The following FOXM1 variants were observed in gnomAD, a reference collection of about 807,000 sequenced individuals.
FOXM1 encodes the protein forkhead box protein M1.
Under a neutral mutation model 63.6 loss-of-function variants are expected in FOXM1, and 25 were observed. That is an observed-to-expected ratio of 0.39 (90% CI 0.29 to 0.55). The LOEUF (loss-of-function observed/expected upper bound fraction) is 0.55. Ranked by LOEUF, FOXM1 falls within the 20% of genes least tolerant of loss-of-function variation. The pLI, the probability that FOXM1 is intolerant of heterozygous loss-of-function variation, is 0.60. For missense variants in FOXM1, 879 were observed against 958.7 expected, an observed-to-expected ratio of 0.92 and a Z score of 1.10; for synonymous variants, 387 against 376.9, an observed-to-expected ratio of 1.03 and a Z score of -0.31.
At chr12:2,861,236 AT>A (rs2098112231) in intron 8 of FOXM1, 1 of 684,724 alleles carries the variant, frequency 1.5e-6, no homozygotes, top group African/African-American at 1.9e-5. Flanking sequence ...ATGTTCATAA[AT>A]AACCAATTCA....
chr12:2,865,612 G>C (rs1434201964), intron 5 of FOXM1, among the ~76,000 whole-genome samples: 3 of 146,770 alleles, frequency 2.0e-5, no homozygotes, highest in African/African-American at 7.5e-5. Flanking sequence ...CGTTCTGGTA[G>C]CTCAGCTTCT....
At chr12:2,860,806 A>G (rs1203998106) in intron 8 of FOXM1, among the ~76,000 whole-genome samples, 1 of 150,700 alleles carries the variant, frequency 6.6e-6, no homozygotes, top group African/African-American at 2.5e-5. Context: ...CGGGAGGCAG[A>G]GGTTGCCAAG....
chr12:2,862,530 T>C (rs1052965264), intron 8 of FOXM1, among the ~76,000 whole-genome samples: 1 of 152,158 alleles, frequency 6.6e-6, no homozygotes, highest in Non-Finnish European at 1.5e-5. Flanking sequence ...TTATTTATAA[T>C]TAAAGAAAAT....
intron 8 of FOXM1, among the ~76,000 whole-genome samples, chr12:2,860,497 AGAAAG>A (rs1028334874): frequency 2.0e-5 from 3 of 152,266 alleles, no homozygotes; most frequent in African/African-American, 4.8e-5. Context: ...AGAAAAGAAA[AGAAAG>A]GAAAGTAAAG....
At chr12:2,873,923 C>T (rs1325997590) in intron 2 of FOXM1, 54 bp downstream of exon 2, 2 of 1,553,902 alleles carry the variant, frequency 1.3e-6, no homozygotes, top group African/African-American at 1.4e-5. Context: ...CACACCTTGC[C>T]ACTACAGAGG....
At chr12:2,861,316 T>C (rs1239756022) in intron 8 of FOXM1, 2 of 732,644 alleles carry the variant, frequency 2.7e-6, no homozygotes, top group East Asian at 2.7e-5. Flanking sequence ...CAAAGAAAGA[T>C]AAAATTAAAC....
At position 2,874,261 on chromosome 12, in the gene FOXM1, G is replaced by T; in HGVS notation, c.218C>A (p.Thr73Lys). Residue 73 changes from threonine to lysine, a missense_variant, in exon 2 of 9, where the codon ACG becomes AAG. Thr to Lys is a moderately conservative substitution (Grantham distance 78). This residue lies in a region of FOXM1 where 255 missense variants were observed against 292.4 expected (regional missense o/e 0.87). Coordinates refer to ENST00000359843, the MANE Select transcript of FOXM1 (RefSeq NM_021953.4). The surrounding 1 kb of genome is among the most constrained non-coding windows in gnomAD (Gnocchi z 4.3). Reference protein sequence around the residue: ...KIINHPTMPNTQVVAIPNNAN... With the variant: ...KIINHPTMPNKQVVAIPNNAN... ...ATTGTTGGGGATGGCCACTACTTGC[G>T]TGTTGGGCATGGTGGGGTGGTTAAT... The T allele has an allele frequency of 6.2e-7, 1 of 1,614,174 alleles. No homozygotes were observed. Among genetic ancestry groups the T allele is most frequent in the Non-Finnish European group, 8.5e-7 (1 of 1,180,038 alleles).
Position 2,859,666 on chromosome 12 carries a change from G to A in FOXM1, c.1267-3C>T. The A allele has an allele frequency of 1.3e-6, 2 of 1,599,032 alleles. No homozygotes were observed. The highest frequency in any genetic ancestry group is 1.7e-6 in the Non-Finnish European group (2 of 1,174,326). ...ATCCCCTCCTCAGCTAGCAGCACCTGAAAGGGAAACAGAGATAAGGTGAAC... is the reference window on the plus strand; with the variant it reads ...ATCCCCTCCTCAGCTAGCAGCACCTAAAAGGGAAACAGAGATAAGGTGAAC... On this transcript the variant is annotated splice_polypyrimidine_tract_variant and splice_region_variant and intron_variant, in intron 8 of 8. Coordinates refer to ENST00000359843, the MANE Select transcript of FOXM1 (RefSeq NM_021953.4).
chr12:2,875,273 G>A (rs1040953134), intron 1 of FOXM1, among the ~76,000 whole-genome samples: 8 of 152,250 alleles, frequency 5.3e-5, no homozygotes, highest in Non-Finnish European at 1.0e-4. Flanking sequence ...GATTACAGGC[G>A]TGAGCCACCG....
At chr12:2,860,560 G>A (rs569456976) in intron 8 of FOXM1, among the ~76,000 whole-genome samples, 28 of 152,134 alleles carry the variant, frequency 1.8e-4, no homozygotes, top group Non-Finnish European at 1.5e-5. Context: ...AAAGAAAGAA[G>A]ATTATTTTAA....
intron 3 of FOXM1, among the ~76,000 whole-genome samples, chr12:2,869,522 G>C (rs902874402): frequency 1.3e-5 from 2 of 148,944 alleles, no homozygotes; most frequent in African/African-American, 5.0e-5. Flanking sequence ...TGCAACCTCT[G>C]CCTCCTGGGT....
At chr12:2,861,263 A>C (rs778571098) in intron 8 of FOXM1, 4 of 716,058 alleles carry the variant, frequency 5.6e-6, no homozygotes, top group Non-Finnish European at 1.0e-5. Context: ...GACAATTCCA[A>C]GTCACCAAAC....
chr12:2,862,284 T>C (rs1401854755), intron 8 of FOXM1, among the ~76,000 whole-genome samples: 1 of 151,916 alleles, frequency 6.6e-6, no homozygotes, highest in Non-Finnish European at 1.5e-5. Context: ...GCTATCGCTA[T>C]ACATGTATAG....
intron 3 of FOXM1, 28 bp from the exon 4 acceptor site, chr12:2,868,782 T>G (rs376808814): frequency 6.3e-7 from 1 of 1,583,230 alleles, no homozygotes; most frequent in African/African-American, 1.4e-5. Flanking sequence ...GGGAATGACA[T>G]GAAAGAGTTC....
chr12:2,872,223 G>C lies in FOXM1; in HGVS notation c.527C>G (p.Thr176Ser). ...GATGTTGGATAGGCTATTGTTGATA[G>C]TGCAGCCTGCTGCCTCACCATCTGC... ...TCADGEAAGC[T>S]INNSLSNIQW... is the part of the protein sequence containing the mutation. Residue 176 changes from threonine to serine, a missense_variant, in exon 3 of 9, where the codon ACT becomes AGT. Physicochemically the swap from Thr to Ser is moderately conservative, Grantham distance 58. Coordinates refer to ENST00000359843, the MANE Select transcript of FOXM1 (RefSeq NM_021953.4). The surrounding 1 kb of genome is among the most constrained non-coding windows in gnomAD (Gnocchi z 4.0). The C allele has an allele frequency of 6.2e-7, 1 of 1,614,198 alleles. No homozygotes were observed. The highest frequency in any genetic ancestry group is 8.5e-7 in the Non-Finnish European group (1 of 1,180,042).
Position 2,859,042 on chromosome 12 carries a change from C to G in FOXM1, c.1888G>C (p.Ala630Pro). 6.2e-7 allele frequency: 1 copy of G among 1,609,114 alleles called. No homozygotes were observed. The highest frequency in any genetic ancestry group is 1.1e-5 in the South Asian group (1 of 90,766). ...TPESWRLTPP[A>P]KVGGLDFSPV... ...CTGAAATCCAGTCCCCCTACTTTGGCTGGGGGCGTGAGCCTCCAGGATTCA... is the reference window on the plus strand; with the variant it reads ...CTGAAATCCAGTCCCCCTACTTTGGGTGGGGGCGTGAGCCTCCAGGATTCA... The change falls in exon 9 of 9, where the codon GCC (alanine) becomes CCC (proline). Residue 630 changes from alanine (A) to proline (P), a missense_variant. Ala to Pro is a conservative substitution (Grantham distance 27). Transcript: ENST00000359843.
chr12:2,865,613 C>G (rs1423074145), intron 5 of FOXM1, among the ~76,000 whole-genome samples: 1 of 148,694 alleles, frequency 6.7e-6, no homozygotes, highest in Non-Finnish European at 1.5e-5. Context: ...GTTCTGGTAG[C>G]TCAGCTTCTG....
intron 4 of FOXM1, among the ~76,000 whole-genome samples, chr12:2,867,937 G>T (rs2098126358): frequency 7.0e-6 from 1 of 143,432 alleles, no homozygotes; most frequent in African/African-American, 2.6e-5. Context: ...CCTGAGATCT[G>T]CCATTGCACT....
intron 1 of FOXM1, 128 bp downstream of exon 1, chr12:2,876,792 C>T (rs1177559668): frequency 2.0e-5 from 3 of 152,514 alleles, no homozygotes; most frequent in African/African-American, 4.8e-5. Flanking sequence ...AGATTCTTCC[C>T]GTGTGACCCA....
Sources: allele counts gnomAD v4.1 joint callset (sites outside exome capture counted in the v4.1 genomes callset), GRCh38; gene constraint gnomAD v4.1.1; regional missense constraint gnomAD v4.1.1; non-coding constraint Gnocchi (gnomAD v3.1); transcripts MANE v1.5; gene names NCBI Gene and HGNC (gene_info 2026-07-23, HGNC 2026-07-21).